Variants in DOCK2 observed in about 807,000 individuals in gnomAD.
The protein encoded by DOCK2 is dedicator of cytokinesis 2, also known as dedicator of cytokinesis protein 2.
In DOCK2, 87 loss-of-function variants were observed where a neutral mutation model predicts 248.9. The ratio of observed to expected loss-of-function variants is 0.35; its 90% CI spans 0.29 to 0.42. DOCK2 has a LOEUF of 0.42. DOCK2 is among the 10% of genes least tolerant of loss of function. The probability of loss-of-function intolerance (pLI) is 1.00; values close to 1 mark genes in which losing one functional copy is unlikely to be tolerated. For missense variants in DOCK2, 1,747 were observed against 2,300.2 expected, an observed-to-expected ratio of 0.76 and a Z score of 4.92; for synonymous variants, 805 against 821.6, an observed-to-expected ratio of 0.98 and a Z score of 0.35.
chr5:169,826,910 G>A (rs1333776600), intron 26 of DOCK2, among the ~76,000 whole-genome samples: 5 of 151,568 alleles, frequency 3.3e-5, no homozygotes, highest in African/African-American at 1.2e-4. Context: ...CCTTTACTAT[G>A]TGGTTCTTCC....
rs1181405235 is a variant in DOCK2, at chr5:169,936,567, T to C, written c.2800-46501T>C. Among the ~76,000 whole-genome samples the C allele has an allele frequency of 2.0e-5, 3 of 149,830 alleles. No homozygotes were observed. In the East Asian group the frequency reaches 5.9e-4, roughly 29 times the overall value. On this transcript the variant is annotated intron_variant, in intron 27 of 51. Coordinates refer to ENST00000520908, the MANE Select transcript of DOCK2 (RefSeq NM_004946.3). ...GCATGTTGGGGAGAATCATTGGTGA[T>C]TCTCAGACTCCTTTTTTTTTTTTTT...
intron 6 of DOCK2, among the ~76,000 whole-genome samples, chr5:169,680,445 A>G (rs1310498070): frequency 1.3e-5 from 2 of 152,242 alleles, no homozygotes; most frequent in Non-Finnish European, 2.9e-5. Flanking sequence ...AATAGCTGAA[A>G]GCAAGCTGTG....
chr5:170,053,296 G>A (rs931842142), intron 41 of DOCK2, among the ~76,000 whole-genome samples: 2 of 152,236 alleles, frequency 1.3e-5, no homozygotes, highest in African/African-American at 4.8e-5. Context: ...CTTTCTGGAA[G>A]GGATCAGATG....
chr5:170,064,495 G>A (rs1463916407), intron 44 of DOCK2, among the ~76,000 whole-genome samples: 1 of 151,794 alleles, frequency 6.6e-6, no homozygotes, highest in African/African-American at 2.4e-5. Context: ...TTCAATAGCT[G>A]ACTAGATCAA....
At chr5:170,042,210 C>T in intron 38 of DOCK2, 78 bp downstream of exon 38, 1 of 1,458,776 alleles carries the variant, frequency 6.9e-7, no homozygotes, top group East Asian at 2.6e-5. Flanking sequence ...TACATCCAAT[C>T]CATCCTCAGC....
chr5:169,875,454 C>G, intron 27 of DOCK2: 1 of 364,408 alleles, frequency 2.7e-6, no homozygotes, highest in Non-Finnish European at 5.5e-6. Context: ...TCCACTGAGA[C>G]CTAATATCCT....
intron 27 of DOCK2, among the ~76,000 whole-genome samples, chr5:169,950,839 G>C (rs925079351): frequency 6.6e-6 from 1 of 152,226 alleles, no homozygotes; most frequent in Non-Finnish European, 1.5e-5. Flanking sequence ...TGGGCTGCAG[G>C]TTCTTACTGA....
chr5:169,761,662 G>A, intron 25 of DOCK2, 37 bp downstream of exon 25: 1 of 1,574,976 alleles, frequency 6.3e-7, no homozygotes, highest in Non-Finnish European at 8.7e-7. Flanking sequence ...TGGGGTAAGG[G>A]GCCAATAAAC....
chr5:169,851,384 C>T (rs1214734724), intron 27 of DOCK2, among the ~76,000 whole-genome samples: 3 of 152,166 alleles, frequency 2.0e-5, no homozygotes, highest in Non-Finnish European at 4.4e-5. Context: ...ATCTTTCTTC[C>T]ATCCCATGAT....
intron 27 of DOCK2, among the ~76,000 whole-genome samples, chr5:169,908,706 CT>C (rs1561814876): frequency 2.4e-5 from 3 of 126,864 alleles, no homozygotes; most frequent in African/African-American, 6.0e-5. Flanking sequence ...TTTCTCTTTT[CT>C]TTTTTCTTTT....
chr5:169,671,304 A>T, intron 5 of DOCK2, 130 bp downstream of exon 5: 1 of 687,114 alleles, frequency 1.5e-6, no homozygotes, highest in Admixed American at 2.7e-5. Flanking sequence ...GCACACTATT[A>T]CGTGTGAGGA....
At chr5:169,662,039 A>G (rs995641082) in intron 2 of DOCK2, among the ~76,000 whole-genome samples, 2 of 152,226 alleles carry the variant, frequency 1.3e-5, no homozygotes. Context: ...GAACTTCCAT[A>G]CCTTTTTCAA....
At chr5:169,830,033 T>C (rs1167910792) in intron 26 of DOCK2, among the ~76,000 whole-genome samples, 1 of 152,272 alleles carries the variant, frequency 6.6e-6, no homozygotes, top group Non-Finnish European at 1.5e-5. Flanking sequence ...TGGGGATATT[T>C]ATCTTGCTTG....
At chr5:170,045,938 G>T (rs755311787) in intron 39 of DOCK2, 33 bp downstream of exon 39, 1 of 1,605,578 alleles carries the variant, frequency 6.2e-7, no homozygotes, top group Non-Finnish European at 8.5e-7. Context: ...TGAATGCCCT[G>T]CAGGCTGGGT....
In DOCK2 at chr5:169,943,328, C is replaced by A. The variant is rs541130040; in HGVS notation, c.2800-39740C>A. On this transcript the variant is annotated intron_variant, in intron 27 of 51. Transcript: ENST00000520908. ...GCAGTAGCTGTCTAAAGGTTGATCC[C>A]ACCCTGAGATCCAGGCCCTGTGGAC... Among the ~76,000 whole-genome samples, 6 of 152,250 alleles carry A rather than the reference C, an allele frequency of 3.9e-5. No individual in the cohort carries two copies. The South Asian group carries it at 1.2e-3, about 32-fold the overall frequency.
rs1754610464 is a variant in DOCK2 at position 169,995,920 on chromosome 5, TAG to T, written c.2994-163_2994-162del. Among the ~76,000 whole-genome samples, 6 of 152,246 alleles carry T rather than the reference TAG, an allele frequency of 3.9e-5. No individual in the cohort carries two copies. In the South Asian group the frequency reaches 1.2e-3, roughly 32 times the overall value. Reference sequence around the variant, plus strand: ...CTTGCAAGGCAAACAGCCCCGAGTCTAGAGTGTGAATAGTTGTTAATCTGCAT... The same window carrying T: ...CTTGCAAGGCAAACAGCCCCGAGTCTAGTGTGAATAGTTGTTAATCTGCAT... On this transcript the variant is annotated intron_variant, in intron 29 of 51. Coordinates refer to ENST00000520908, the MANE Select transcript of DOCK2 (RefSeq NM_004946.3).
intron 27 of DOCK2, among the ~76,000 whole-genome samples, chr5:169,969,272 C>T (rs1374680032): frequency 6.6e-6 from 1 of 151,942 alleles, no homozygotes; most frequent in Non-Finnish European, 1.5e-5. Flanking sequence ...TGGTAAAACA[C>T]CATCTCTACT....
intron 36 of DOCK2, among the ~76,000 whole-genome samples, chr5:170,037,624 C>T (rs1756367479): frequency 6.6e-6 from 1 of 151,790 alleles, no homozygotes; most frequent in Non-Finnish European, 1.5e-5. Flanking sequence ...GTAGCTGAGA[C>T]TACAGGCCTG....
At chr5:170,008,193 A>G (rs1009310008) in intron 30 of DOCK2, among the ~76,000 whole-genome samples, 30 of 88,032 alleles carry the variant, frequency 3.4e-4, no homozygotes, top group Non-Finnish European at 2.9e-4. Context: ...GCACAAGGAC[A>G]AAAACAACAA....
Sources: gnomAD v4.1 joint callset for allele counts (sites outside exome capture counted in the v4.1 genomes callset) on GRCh38, gnomAD v4.1.1 for gene constraint, MANE v1.5 for transcripts, NCBI Gene and HGNC (gene_info 2026-07-23, HGNC 2026-07-21) for gene names.